The following LRFN5 variants were observed in gnomAD, a reference collection of about 807,000 sequenced individuals.
LRFN5 encodes leucine-rich repeat and fibronectin type-III domain-containing protein 5.
LRFN5 carries 24 observed loss-of-function variants against 45.6 expected under a neutral mutation model. That is an observed-to-expected ratio of 0.53 (90% CI 0.38 to 0.74). The LOEUF (loss-of-function observed/expected upper bound fraction) is 0.74. Ranked by LOEUF, LRFN5 falls within the 30% of genes least tolerant of loss-of-function variation. The pLI, the probability that LRFN5 is intolerant of heterozygous loss-of-function variation, is 0.00. For missense variants in LRFN5, 776 were observed against 861.5 expected (o/e 0.90, Z 1.24); for synonymous variants, 340 against 313.8 (o/e 1.08, Z -0.88).
intron 1 of LRFN5, among the ~76,000 whole-genome samples, chr14:41,718,362 T>C (rs1883575778): frequency 6.6e-6 from 1 of 152,162 alleles, no homozygotes; most frequent in African/African-American, 2.4e-5. Flanking sequence ...CTTATTGAAA[T>C]TAGCCAACTA....
intron 2 of LRFN5, among the ~76,000 whole-genome samples, chr14:41,838,230 T>C (rs1479863055): frequency 1.3e-5 from 2 of 152,216 alleles, no homozygotes; most frequent in Non-Finnish European, 2.9e-5. Context: ...TCTCCTTTGA[T>C]GATCCTTCAC....
At chr14:41,851,057 TG>T (rs1179963813) in intron 2 of LRFN5, among the ~76,000 whole-genome samples, 1 of 151,716 alleles carries the variant, frequency 6.6e-6, no homozygotes, top group Non-Finnish European at 1.5e-5. Context: ...TTGCCTTCCT[TG>T]CTTCAATACA....
chr14:41,822,204 G>A (rs1229859732), intron 2 of LRFN5, among the ~76,000 whole-genome samples: 2 of 151,514 alleles, frequency 1.3e-5, no homozygotes, highest in East Asian at 1.9e-4. Flanking sequence ...CAAATTTTGG[G>A]CTTGTTATGT....
chr14:41,740,874 A>G (rs1884660365), intron 1 of LRFN5, among the ~76,000 whole-genome samples: 1 of 152,070 alleles, frequency 6.6e-6, no homozygotes, highest in African/African-American at 2.4e-5. Flanking sequence ...ACATTTAATA[A>G]AGTTGTAGTT....
At chr14:41,831,560 A>G (rs1888482864) in intron 2 of LRFN5, among the ~76,000 whole-genome samples, 1 of 152,140 alleles carries the variant, frequency 6.6e-6, no homozygotes, top group Admixed American at 6.6e-5. Flanking sequence ...ACATATCTCT[A>G]TATATATGCT....
intron 2 of LRFN5, among the ~76,000 whole-genome samples, chr14:41,859,850 T>C (rs1322488228): frequency 6.6e-6 from 1 of 152,208 alleles, no homozygotes; most frequent in East Asian, 1.9e-4. Flanking sequence ...ACTGAAAGTA[T>C]CATTTTCCCC....
Position 41,887,509 on chromosome 14 carries a change from A to G in LRFN5, c.884A>G (p.Glu295Gly). The G allele has an allele frequency of 6.2e-7, 1 of 1,614,202 alleles. No individual in the cohort carries two copies. Among genetic ancestry groups the G allele is most frequent in the Non-Finnish European group, 8.5e-7 (1 of 1,180,032 alleles). Residue 295 changes from glutamate to glycine, a missense_variant, in exon 3 of 6, where the codon GAG becomes GGG. Glu to Gly is a moderately conservative substitution (Grantham distance 98). This residue lies in a region of LRFN5 where 311 missense variants were observed against 405.1 expected (regional missense o/e 0.77). Transcript: ENST00000298119. The surrounding 1 kb of genome is among the most constrained non-coding windows in gnomAD (Gnocchi z 4.8). ...EPPLITRHTHEMRVLEGQRAT... is the reference protein window; with the variant it reads ...EPPLITRHTHGMRVLEGQRAT... ...CCTCTCATTACTCGTCATACACATG[A>G]GATGAGAGTCCTGGAGGGACAAAGG... is the stretch of plus-strand genomic sequence containing the variant.
chr14:41,667,694 T>C (rs1181015310), intron 1 of LRFN5, among the ~76,000 whole-genome samples: 1 of 152,060 alleles, frequency 6.6e-6, no homozygotes. Flanking sequence ...ATCTATAAAA[T>C]TCTTTGATTA....
Position 41,725,724 on chromosome 14 carries a change from C to T in LRFN5, c.-196-41130C>T, listed in dbSNP as rs189031433. Among the ~76,000 whole-genome samples, 319 of 152,274 alleles carry T rather than the reference C, an allele frequency of 2.1e-3. 1 individual carries two copies. Among genetic ancestry groups the T allele is most frequent in the Non-Finnish European group, 3.7e-3 (254 of 68,016 alleles). ...ATCAAATAATATTTCTAAGTCTCCA[C>T]TGAACCAGATTGCTTTACTTCATGA... is the stretch of plus-strand genomic sequence containing the variant. On this transcript the variant is annotated intron_variant, in intron 1 of 5. Coordinates refer to ENST00000298119, the MANE Select transcript of LRFN5 (RefSeq NM_152447.5).
chr14:41,774,630 G>T (rs1025199830), intron 2 of LRFN5, among the ~76,000 whole-genome samples: 23 of 152,150 alleles, frequency 1.5e-4, no homozygotes, highest in African/African-American at 5.1e-4. Flanking sequence ...ATAGATTCAG[G>T]ACTACCAGGT....
chr14:41,805,868 C>T (rs1177557805), intron 2 of LRFN5, among the ~76,000 whole-genome samples: 1 of 152,004 alleles, frequency 6.6e-6, no homozygotes, highest in Non-Finnish European at 1.5e-5. Flanking sequence ...GCACAGCATA[C>T]CTTTTTCATC....
intron 1 of LRFN5, among the ~76,000 whole-genome samples, chr14:41,673,364 C>T (rs1881340022): frequency 6.7e-6 from 1 of 150,200 alleles, no homozygotes; most frequent in East Asian, 2.0e-4. Context: ...CACCTCCCTC[C>T]CGGACGGGGC....
intron 2 of LRFN5, among the ~76,000 whole-genome samples, chr14:41,807,092 A>G (rs532451128): frequency 2.6e-4 from 39 of 152,284 alleles, no homozygotes; most frequent in Middle Eastern, 3.4e-3. Context: ...TCAAAAAATT[A>G]ATATAAGAAG....
chr14:41,669,296 G>GA (rs958499233), intron 1 of LRFN5, among the ~76,000 whole-genome samples: 16 of 144,070 alleles, frequency 1.1e-4, no homozygotes, highest in East Asian at 6.1e-4. Flanking sequence ...AATCTGTCCA[G>GA]AAAAAAAAAA....
chr14:41,607,228 G>C lies in LRFN5; in HGVS notation c.-1531G>C, dbSNP rs2138527253. On this transcript the variant is annotated 5_prime_UTR_variant, in exon 1 of 6. Coordinates refer to ENST00000298119, the MANE Select transcript of LRFN5 (RefSeq NM_152447.5). ...GTTTAGCAGCTGGCTGCTCCCTTAG[G>C]ATCCTTGACTTTGGGGAGCTCTGGC... Among the ~76,000 whole-genome samples, 1 of 152,184 alleles carries C rather than the reference G, an allele frequency of 6.6e-6. No individual in the cohort carries two copies. Among genetic ancestry groups the C allele is most frequent in the Non-Finnish European group, 1.5e-5 (1 of 68,012 alleles).
At chr14:41,732,150 C>T (rs577104030) in intron 1 of LRFN5, among the ~76,000 whole-genome samples, 6 of 152,280 alleles carry the variant, frequency 3.9e-5, no homozygotes, top group African/African-American at 1.2e-4. Context: ...GCACCCAGTT[C>T]CAGGGCAGCC....
chr14:41,683,985 T>C (rs1882013998), intron 1 of LRFN5, among the ~76,000 whole-genome samples: 1 of 152,100 alleles, frequency 6.6e-6, no homozygotes, highest in Non-Finnish European at 1.5e-5. Context: ...ACCCAGAATA[T>C]CCAAAGCTGT....
In LRFN5 at chr14:41,831,302, A is replaced by G. The variant is rs563244004; in HGVS notation, c.-20-55304A>G. Among the ~76,000 whole-genome samples the G allele has an allele frequency of 2.0e-5, 3 of 152,306 alleles. No individual in the cohort carries two copies. The East Asian group carries it at 5.8e-4, about 29-fold the overall frequency. On this transcript the variant is annotated intron_variant, in intron 2 of 5. Transcript: ENST00000298119. Reference sequence around the variant, plus strand: ...AATACTGAGATATAACTTAATCACTACTAACACATTTTATGAATAGGAGAA... The same window carrying G: ...AATACTGAGATATAACTTAATCACTGCTAACACATTTTATGAATAGGAGAA...
At chr14:41,866,369 T>C (rs1410645940) in intron 2 of LRFN5, among the ~76,000 whole-genome samples, 3 of 152,114 alleles carry the variant, frequency 2.0e-5, no homozygotes, top group Non-Finnish European at 4.4e-5. Flanking sequence ...TCAGGGCAGT[T>C]ACAGCTGAGG....
Sources: gnomAD v4.1 joint callset for allele counts (sites outside exome capture counted in the v4.1 genomes callset) on GRCh38, gnomAD v4.1.1 for gene constraint, gnomAD v4.1.1 regional missense constraint, Gnocchi (gnomAD v3.1) non-coding constraint, MANE v1.5 for transcripts, NCBI Gene and HGNC (gene_info 2026-07-23, HGNC 2026-07-21) for gene names.